The following AHCY variants were observed in gnomAD, a reference collection of about 807,000 sequenced individuals.
AHCY encodes the protein adenosylhomocysteinase.
AHCY carries 24 observed loss-of-function variants against 45.4 expected under a neutral mutation model. The ratio of observed to expected loss-of-function variants is 0.53; its 90% confidence interval spans 0.38 to 0.74. The LOEUF (loss-of-function observed/expected upper bound fraction) is 0.74. Among genes scored for constraint, AHCY ranks in the 30% least tolerant of loss-of-function variants. The pLI is 0.00. For synonymous variants in AHCY, 245 were observed against 235.1 expected (o/e 1.04, Z -0.39); for missense variants, 449 against 594.1 (o/e 0.76, Z 2.54).
intron 1 of AHCY, among the ~76,000 whole-genome samples, chr20:34,300,952 T>A (rs946065960): frequency 6.6e-6 from 1 of 152,132 alleles, no homozygotes; most frequent in Non-Finnish European, 1.5e-5. Flanking sequence ...CACCTTTGTG[T>A]CTCCAGCATG....
the AHCY span, among the ~76,000 whole-genome samples, chr20:34,235,786 G>GAAAGAAAGA: frequency 1.6e-5 from 1 of 61,320 alleles, no homozygotes; most frequent in Non-Finnish European, 3.4e-5. Context: ...CTCTGAGAAA[G>GAAAGAAAGA]AAGAAAGAAA....
chr20:34,269,081 C>T, the AHCY span: 1 of 1,582,738 alleles, frequency 6.3e-7, no homozygotes, highest in Non-Finnish European at 8.6e-7. Context: ...GCCGCCGGCA[C>T]CCGCCTGCTG....
At chr20:34,304,510 C>CT (rs34586407), upstream of AHCY, among the ~76,000 whole-genome samples, 11 of 150,890 alleles carry the variant, frequency 7.3e-5, no homozygotes, top group Non-Finnish European at 1.5e-4. Context: ...TTTTTAATTG[C>CT]TTTTTTTCCC....
At chr20:34,298,646 GAA>G (rs1191398008) in intron 1 of AHCY, among the ~76,000 whole-genome samples, 4 of 144,956 alleles carry the variant, frequency 2.8e-5, no homozygotes, top group South Asian at 2.3e-4. Flanking sequence ...GGGGAGTTTA[GAA>G]AAGACTCTGC....
the AHCY span, among the ~76,000 whole-genome samples, chr20:34,261,082 A>G: frequency 2.0e-5 from 3 of 152,228 alleles, no homozygotes; most frequent in African/African-American, 7.2e-5. Flanking sequence ...AGGAGAATTA[A>G]GTAACTAGCA....
At chr20:34,253,947 GAT>G in the AHCY span, among the ~76,000 whole-genome samples, 1 of 152,172 alleles carries the variant, frequency 6.6e-6, no homozygotes, top group Non-Finnish European at 1.5e-5. Flanking sequence ...TGTCATCAGA[GAT>G]ATCACACATC....
At chr20:34,253,290 T>C in the AHCY span, among the ~76,000 whole-genome samples, 1 of 151,522 alleles carries the variant, frequency 6.6e-6, no homozygotes, top group Non-Finnish European at 1.5e-5. Context: ...GTATTTTTAG[T>C]AGAGACGGGG....
the AHCY span, among the ~76,000 whole-genome samples, chr20:34,245,622 C>T: frequency 1.3e-5 from 2 of 151,858 alleles, no homozygotes; most frequent in African/African-American, 4.8e-5. Context: ...AACTCCTGAC[C>T]TCATGATCCA....
At chr20:34,285,783 A>C in intron 8 of AHCY, 149 bp from the exon 9 acceptor site, 2 of 832,984 alleles carry the variant, frequency 2.4e-6, no homozygotes, top group Admixed American at 4.1e-5. Flanking sequence ...TTAGCACAAA[A>C]ATAACAGCCA....
chr20:34,289,366 G>A (rs1283590274), intron 8 of AHCY, among the ~76,000 whole-genome samples: 1 of 151,512 alleles, frequency 6.6e-6, no homozygotes, highest in East Asian at 1.9e-4. Context: ...GTAGAGACGG[G>A]GTTTCACTAT....
chr20:34,268,732 TA>T, the AHCY span, among the ~76,000 whole-genome samples: 9 of 137,662 alleles, frequency 6.5e-5, no homozygotes, highest in Admixed American at 1.5e-4. Context: ...AAACCCTGTC[TA>T]AAAAAAAAAC....
In AHCY at chr20:34,292,434, C is replaced by A; in HGVS notation, c.369G>T (p.Gly123=). 3 of 1,614,042 alleles carry A rather than the reference C, an allele frequency of 1.9e-6. No homozygotes were observed. Among genetic ancestry groups the A allele is most frequent in the Non-Finnish European group, 1.7e-6 (2 of 1,180,042 alleles). Residue 123 remains glycine (G), a synonymous_variant, in exon 4 of 10, where the codon GGG becomes GGT. Transcript: ENST00000217426. Reference sequence around the variant, plus strand: ...CGTCGTCCAGAATCATGTTGAGGGGCCCGTCCTTGAAGTACAGGGTCTGCT... The same window carrying A: ...CGTCGTCCAGAATCATGTTGAGGGGACCGTCCTTGAAGTACAGGGTCTGCT... ...CIEQTLYFKD[G]PLNMILDDGG...
the AHCY span, among the ~76,000 whole-genome samples, chr20:34,244,776 C>G: frequency 6.6e-6 from 1 of 152,248 alleles, no homozygotes; most frequent in South Asian, 2.1e-4. Context: ...AAATAATCTC[C>G]AGAATAGCTC....
At chr20:34,240,859 C>T in the AHCY span, among the ~76,000 whole-genome samples, 2 of 152,138 alleles carry the variant, frequency 1.3e-5, no homozygotes, top group African/African-American at 4.8e-5. Flanking sequence ...AATTCCAATT[C>T]TAAAGAATTG....
the AHCY span, among the ~76,000 whole-genome samples, chr20:34,268,732 T>A: frequency 1.5e-4 from 20 of 137,670 alleles, no homozygotes; most frequent in East Asian, 2.7e-3. Context: ...AAACCCTGTC[T>A]AAAAAAAAAA....
chr20:34,291,301 GCCCCCTC>G, intron 5 of AHCY, 111 bp downstream of exon 5: 1 of 954,300 alleles, frequency 1.0e-6, no homozygotes, highest in Non-Finnish European at 1.7e-6. Flanking sequence ...AACCGCTTTT[GCCCCCTC>G]AAATGAGGGC....
downstream of AHCY, among the ~76,000 whole-genome samples, chr20:34,276,006 C>T (rs2035907852): frequency 1.3e-5 from 2 of 152,180 alleles, no homozygotes; most frequent in South Asian, 2.1e-4. Context: ...TGGCTTCATC[C>T]TAAGGCAAGC....
chr20:34,239,389 G>C, the AHCY span, among the ~76,000 whole-genome samples: 1 of 152,002 alleles, frequency 6.6e-6, no homozygotes, highest in Non-Finnish European at 1.5e-5. Flanking sequence ...GCTATTTTTT[G>C]TATTTTTAGT....
At chr20:34,255,969 C>T in the AHCY span, among the ~76,000 whole-genome samples, 2 of 152,228 alleles carry the variant, frequency 1.3e-5, no homozygotes, top group African/African-American at 4.8e-5. Flanking sequence ...TCAGGCCCAC[C>T]CGCAGCCTCC....
Sources: gnomAD v4.1 joint callset for allele counts (sites outside exome capture counted in the v4.1 genomes callset) on GRCh38, gnomAD v4.1.1 for gene constraint, MANE v1.5 for transcripts, NCBI Gene and HGNC (gene_info 2026-07-23, HGNC 2026-07-21) for gene names.